BIRC6: variants seen among roughly 807,000 people sequenced by gnomAD.
BIRC6 encodes baculoviral IAP repeat containing 6.
A neutral mutation model predicts 503.3 loss-of-function variants in BIRC6; 98 were observed. The ratio of observed to expected loss-of-function variants is 0.19; its 90% CI spans 0.17 to 0.23. The LOEUF is 0.23. Among genes scored for constraint, BIRC6 ranks in the 10% least tolerant of loss-of-function variants. BIRC6 has a pLI of 1.00. For synonymous variants in BIRC6, 2,240 were observed against 2,078.7 expected (o/e 1.08, Z -2.11); for missense variants, 5,360 against 5,806.0 (o/e 0.92, Z 2.50).
chr2:32,452,283 T>C (rs1264110681), intron 22 of BIRC6, among the ~76,000 whole-genome samples: 1 of 152,124 alleles, frequency 6.6e-6, no homozygotes, highest in East Asian at 1.9e-4. Flanking sequence ...AGGTAAAACA[T>C]TGTCACTTTT....
chr2:32,466,308 T>C (rs912090314), intron 26 of BIRC6, among the ~76,000 whole-genome samples: 1 of 152,240 alleles, frequency 6.6e-6, no homozygotes, highest in Non-Finnish European at 1.5e-5. Context: ...TGTTTTTTAA[T>C]TGAACTTATT....
At chr2:32,463,166 T>A in intron 23 of BIRC6, 28 bp from the exon 24 acceptor site, 1 of 1,556,784 alleles carries the variant, frequency 6.4e-7, no homozygotes, top group Non-Finnish European at 8.7e-7. Flanking sequence ...GTTTTTTGTT[T>A]TTGTTTTTAC....
chr2:32,451,917 A>T (rs1012431853), intron 22 of BIRC6, among the ~76,000 whole-genome samples: 3 of 152,204 alleles, frequency 2.0e-5, no homozygotes, highest in Non-Finnish European at 4.4e-5. Context: ...GAATATTTGT[A>T]TACAGTGGTG....
At chr2:32,458,430 T>A (rs2148727870) in intron 23 of BIRC6, among the ~76,000 whole-genome samples, 1 of 152,268 alleles carries the variant, frequency 6.6e-6, no homozygotes, top group African/African-American at 2.4e-5. Context: ...TTTTTATATA[T>A]GTTGTATCTC....
At chr2:32,534,941 C>T (rs2057094243) in intron 61 of BIRC6, among the ~76,000 whole-genome samples, 1 of 151,092 alleles carries the variant, frequency 6.6e-6, no homozygotes, top group African/African-American at 2.4e-5. Context: ...ACTTAAATCT[C>T]AATTCAACAT....
chr2:32,573,182 C>T (rs1047714556), intron 65 of BIRC6, among the ~76,000 whole-genome samples: 3 of 152,094 alleles, frequency 2.0e-5, no homozygotes, highest in African/African-American at 7.2e-5. Context: ...TGTCCAGCAA[C>T]AGGTTTTCAG....
At chr2:32,559,891 C>T (rs948350120) in intron 65 of BIRC6, among the ~76,000 whole-genome samples, 2 of 151,690 alleles carry the variant, frequency 1.3e-5, no homozygotes, top group African/African-American at 2.4e-5. Flanking sequence ...TGGCGGGTGC[C>T]TGTTATCCCA....
intron 52 of BIRC6, among the ~76,000 whole-genome samples, chr2:32,510,212 G>T (rs2054260655): frequency 1.3e-5 from 2 of 152,128 alleles, no homozygotes; most frequent in African/African-American, 4.8e-5. Context: ...CCTAGTAGCT[G>T]GGATTACAGG....
intron 10 of BIRC6, among the ~76,000 whole-genome samples, chr2:32,424,491 G>C (rs543955207): frequency 1.3e-5 from 2 of 151,662 alleles, no homozygotes; most frequent in African/African-American, 4.8e-5. Context: ...GGAATTGTTG[G>C]GTCACATGGT....
At chr2:32,500,258 G>C in intron 46 of BIRC6, 149 bp downstream of exon 46, 1 of 648,940 alleles carries the variant, frequency 1.5e-6, no homozygotes, top group Non-Finnish European at 2.5e-6. Flanking sequence ...GAGGACTTCT[G>C]TTTAGGGGCT....
chr2:32,550,066 C>T (rs2058323100), intron 65 of BIRC6, among the ~76,000 whole-genome samples: 1 of 152,110 alleles, frequency 6.6e-6, no homozygotes. Context: ...TAGAAAGTTA[C>T]ATGTTCAGAA....
intron 65 of BIRC6, chr2:32,564,406 G>T (rs941001638): frequency 2.0e-5 from 3 of 152,094 alleles, no homozygotes; most frequent in Non-Finnish European, 2.9e-5. Context: ...TTTGGCAGTT[G>T]CAAAAATGTT....
At chr2:32,371,446 C>T (rs1291989274) in intron 1 of BIRC6, among the ~76,000 whole-genome samples, 1 of 151,856 alleles carries the variant, frequency 6.6e-6, no homozygotes, top group Non-Finnish European at 1.5e-5. Flanking sequence ...GCAATCTCAG[C>T]TCACTGCAAC....
In BIRC6 at chr2:32,464,757, C is replaced by T. The variant is rs1372722565; in HGVS notation, c.5190C>T (p.Gly1730=). 1.2e-6 allele frequency: 2 copies of T among 1,614,010 alleles called. No homozygotes were observed. Among genetic ancestry groups the T allele is most frequent in the Admixed American group, 1.7e-5 (1 of 60,022 alleles). ...INAELAQLFP[G]SVIDPPAVNL... ...CCGAACTTGCACAGCTTTTCCCAGGCTCAGTCATTGATCCCCCAGCAGTCA... is the reference window on the plus strand; with the variant it reads ...CCGAACTTGCACAGCTTTTCCCAGGTTCAGTCATTGATCCCCCAGCAGTCA... The change falls in exon 25 of 74, where the codon GGC becomes GGT. Residue 1730 remains glycine, a synonymous_variant. Transcript: ENST00000421745.
At chr2:32,436,290 TC>T in intron 15 of BIRC6, 106 bp downstream of exon 15, 16 of 1,069,770 alleles carry the variant, frequency 1.5e-5, no homozygotes, top group Non-Finnish European at 2.0e-5. Flanking sequence ...TTTGGGACTT[TC>T]GTTCGAAATT....
At chr2:32,543,830 A>C (rs2057854332) in intron 62 of BIRC6, among the ~76,000 whole-genome samples, 1 of 152,240 alleles carries the variant, frequency 6.6e-6, no homozygotes. Flanking sequence ...CCAAGTAGCT[A>C]ATGTTCTCCA....
intron 61 of BIRC6, among the ~76,000 whole-genome samples, chr2:32,532,534 A>T (rs1572854805): frequency 6.6e-6 from 1 of 152,144 alleles, no homozygotes; most frequent in Non-Finnish European, 1.5e-5. Flanking sequence ...GCAAACCATT[A>T]TCTCCTCATC....
Position 32,497,578 on chromosome 2 carries a change from G to A in BIRC6, c.8469-1969G>A, listed in dbSNP as rs147853003. On this transcript the variant is annotated intron_variant, in intron 45 of 73. Coordinates refer to ENST00000421745, the MANE Select transcript of BIRC6 (RefSeq NM_016252.4). ...GGTTTTCTCTTCTTGATTGAGCTTT[G>A]GTAATTTTGTGAAGGAAGTTGTTCC... Among the ~76,000 whole-genome samples the A allele has an allele frequency of 1.1e-4, 17 of 152,128 alleles. No homozygotes were observed. The East Asian group carries it at 3.1e-3, about 28-fold the overall frequency.
At chr2:32,487,512 A>G (rs374347194) in intron 40 of BIRC6, 135 bp from the exon 41 acceptor site, 2 of 669,744 alleles carry the variant, frequency 3.0e-6, no homozygotes, top group Non-Finnish European at 4.5e-6. Flanking sequence ...CAAATACTAA[A>G]TATTGTTTTG....
Sources: allele counts gnomAD v4.1 joint callset (sites outside exome capture counted in the v4.1 genomes callset), GRCh38; gene constraint gnomAD v4.1.1; transcripts MANE v1.5; gene names NCBI Gene and HGNC (gene_info 2026-07-23, HGNC 2026-07-21).